CENPQ: variants seen among roughly 807,000 people sequenced by gnomAD.
The protein encoded by CENPQ is chromosome 6 open reading frame 139.
In CENPQ, 27 loss-of-function variants were observed where a neutral mutation model predicts 36.6. The observed-to-expected ratio is 0.74, with a 90% CI of 0.54 to 1.02. The LOEUF (loss-of-function observed/expected upper bound fraction) is 1.02, where lower values mean the gene tolerates loss of function less well. Ranked by LOEUF, CENPQ falls within the 50% of genes least tolerant of loss-of-function variation. CENPQ has a pLI of 0.00. For missense variants in CENPQ, 306 were observed against 301.8 expected (o/e 1.01, Z -0.10); for synonymous variants, 101 against 101.7 (o/e 0.99, Z 0.04).
chr6:49,480,965 G>T lies in CENPQ; in HGVS notation c.362G>T (p.Cys121Phe), dbSNP rs994735202. The change falls in exon 6 of 9, where the codon TGT (cysteine) becomes TTT (phenylalanine). Residue 121 changes from cysteine to phenylalanine, a missense_variant. Coordinates refer to ENST00000335783, the MANE Select transcript of CENPQ (RefSeq NM_018132.4). ...TTATCCTTAAGATTGCTACAACAGT[G>T]TGAAACTCTGAAAGTCCCTCCCAAA... ...NFLKKRLLQQ[C>F]ETLKVPPKKM... The T allele has an allele frequency of 6.2e-7, 1 of 1,600,854 alleles. No individual in the cohort carries two copies. The highest frequency in any genetic ancestry group is 8.5e-7 in the Non-Finnish European group (1 of 1,172,432).
Position 49,488,601 on chromosome 6 carries a change from C to A in CENPQ, c.598-6C>A, listed in dbSNP as rs202062394. 6.8e-6 allele frequency: 11 copies of A among 1,611,640 alleles called. No homozygotes were observed. Among genetic ancestry groups the A allele is most frequent in the Middle Eastern group, 1.7e-4 (1 of 6,056 alleles). On this transcript the variant is annotated splice_polypyrimidine_tract_variant and splice_region_variant and intron_variant, in intron 7 of 8. Coordinates refer to ENST00000335783, the MANE Select transcript of CENPQ (RefSeq NM_018132.4). ...TGAAATAATCTGTAGCTTTCTTCTA[C>A]TTTAGATGCATCAAATAAATAGTAG...
intron 5 of CENPQ, among the ~76,000 whole-genome samples, chr6:49,478,359 TC>T (rs1465512828): frequency 6.6e-6 from 1 of 152,170 alleles, no homozygotes; most frequent in Non-Finnish European, 1.5e-5. Context: ...AGCTAGCATC[TC>T]CCAAATTGCT....
At chr6:49,483,425 C>T (rs1189032904) in intron 6 of CENPQ, among the ~76,000 whole-genome samples, 4 of 152,154 alleles carry the variant, frequency 2.6e-5, no homozygotes, top group South Asian at 2.1e-4. Context: ...CGCCCGCACT[C>T]CTCAGCCCTT....
rs530702323 is a variant in CENPQ at position 49,490,379 on chromosome 6, C to A, written c.675+1695C>A. 1.1e-4 allele frequency among the ~76,000 whole-genome samples: 16 copies of A among 152,308 alleles called. No individual in the cohort carries two copies. In the East Asian group the frequency reaches 2.5e-3, roughly 24 times the overall value. On this transcript the variant is annotated intron_variant, in intron 8 of 8. Transcript: ENST00000335783. Reference sequence around the variant, plus strand: ...TCTGCAACTTCCTCACCTCTGTCAGCCTTCATAGACTTGAAAACAGTTAGG... The same window carrying A: ...TCTGCAACTTCCTCACCTCTGTCAGACTTCATAGACTTGAAAACAGTTAGG...
At chr6:49,481,326 C>G (rs1388884065) in intron 6 of CENPQ, among the ~76,000 whole-genome samples, 1 of 152,042 alleles carries the variant, frequency 6.6e-6, no homozygotes, top group Non-Finnish European at 1.5e-5. Context: ...TTGGTGGGTT[C>G]TTGGTCTCAC....
In CENPQ at chr6:49,471,002, A is replaced by G. The variant is rs1289009263; in HGVS notation, c.131A>G (p.Asn44Ser). ...KVRNTVKKNKNHLKDLSSEGQ... is the reference protein window; with the variant it reads ...KVRNTVKKNKSHLKDLSSEGQ... The stretch of plus-strand genomic sequence containing the variant: ...AGAAACACAGTGAAAAAAAATAAAA[A>G]TCATCTGAAAGATCTGTCTTCTGAA... The change falls in exon 3 of 9, where the codon AAT (asparagine) becomes AGT (serine). Residue 44 changes from asparagine (N) to serine (S), a missense_variant. Physicochemically the swap from Asn to Ser is conservative, Grantham distance 46. Coordinates refer to ENST00000335783, the MANE Select transcript of CENPQ (RefSeq NM_018132.4). The G allele has an allele frequency of 6.5e-6, 10 of 1,531,868 alleles. No individual in the cohort carries two copies. Among genetic ancestry groups the G allele is most frequent in the Non-Finnish European group, 8.8e-6 (10 of 1,133,734 alleles). The allele number at this position is 1,531,868 out of a possible 1,614,324, so 94.9% of individuals were successfully genotyped here. A position where few individuals can be genotyped will look rare whatever the true frequency, so the allele number is the denominator to read the frequency against.
rs4267943 is a variant in CENPQ at position 49,472,092 on chromosome 6, G to A, written c.187G>A (p.Gly63Arg). ...GQTKHTNLKH[G>R]KTAASKRKTW... ...AACAAAGCACACTAACCTAAAACAC[G>A]GAAAGACAGCAGCCAGCAAGAGAAA... Residue 63 changes from glycine to arginine, a missense_variant, in exon 4 of 9, where the codon GGA becomes AGA. By Grantham distance (125) the Gly-to-Arg change is moderately radical. Transcript: ENST00000335783. The A allele has an allele frequency of 0.36, 579,856 of 1,610,876 alleles. 106,155 individuals carry two copies. Among genetic ancestry groups the A allele is most frequent in the African/African-American group, 0.39 (29,412 of 74,804 alleles).
At chr6:49,475,695 C>G (rs1768270336) in intron 5 of CENPQ, among the ~76,000 whole-genome samples, 1 of 152,188 alleles carries the variant, frequency 6.6e-6, no homozygotes, top group Non-Finnish European at 1.5e-5. Context: ...AGCCCAAAAT[C>G]TCCTTAAGCT....
chr6:49,468,915 TG>T (rs1340328784), intron 1 of CENPQ, among the ~76,000 whole-genome samples: 4 of 152,194 alleles, frequency 2.6e-5, no homozygotes, highest in African/African-American at 7.2e-5. Context: ...GTCATGTGGA[TG>T]GGTTTTTAAG....
intron 3 of CENPQ, 137 bp from the exon 4 acceptor site, chr6:49,471,926 A>G: frequency 2.2e-6 from 2 of 898,544 alleles, no homozygotes; most frequent in Non-Finnish European, 1.6e-6. Context: ...TAAAAAGTAA[A>G]TTAAACAGTT....
At chr6:49,478,059 CCTGA>C (rs1226494740) in intron 5 of CENPQ, among the ~76,000 whole-genome samples, 1 of 152,158 alleles carries the variant, frequency 6.6e-6, no homozygotes, top group Non-Finnish European at 1.5e-5. Flanking sequence ...CATTTCAAGG[CCTGA>C]CTATTTCCTC....
chr6:49,488,772 G>C (rs1437216147), intron 8 of CENPQ, 88 bp downstream of exon 8: 10 of 971,812 alleles, frequency 1.0e-5, no homozygotes, highest in Non-Finnish European at 1.7e-5. Context: ...AGCAAATACT[G>C]CAATAACGCA....
chr6:49,474,334 A>G (rs1768221211), intron 5 of CENPQ, among the ~76,000 whole-genome samples: 1 of 152,218 alleles, frequency 6.6e-6, no homozygotes. Flanking sequence ...ACCACAGTGC[A>G]ATCAAACTAG....
chr6:49,481,103 C>T (rs1164005322), intron 6 of CENPQ, 23 bp downstream of exon 6: 1 of 1,569,866 alleles, frequency 6.4e-7, no homozygotes, highest in Non-Finnish European at 8.6e-7. Flanking sequence ...AATAGGGAAT[C>T]CATAATTAGA....
At chr6:49,491,481 C>CG in intron 8 of CENPQ, among the ~76,000 whole-genome samples, 1 of 152,126 alleles carries the variant, frequency 6.6e-6, no homozygotes, top group Non-Finnish European at 1.5e-5. Flanking sequence ...TTTAATGCTT[C>CG]TAACAATAGC....
chr6:49,486,572 C>T (rs1190253472), intron 6 of CENPQ, among the ~76,000 whole-genome samples: 1 of 151,842 alleles, frequency 6.6e-6, no homozygotes, highest in East Asian at 1.9e-4. Flanking sequence ...GAGACTCAGA[C>T]ATATCAACCA....
chr6:49,471,955 T>C, intron 3 of CENPQ, 108 bp from the exon 4 acceptor site: 1 of 1,249,846 alleles, frequency 8.0e-7, no homozygotes, highest in Non-Finnish European at 1.1e-6. Context: ...TTTATAATAT[T>C]TTGTTCTGAT....
At chr6:49,475,049 C>G (rs552429472) in intron 5 of CENPQ, among the ~76,000 whole-genome samples, 13 of 152,060 alleles carry the variant, frequency 8.5e-5, no homozygotes, top group African/African-American at 3.1e-4. Context: ...CAGGACCAGA[C>G]AGATTCACAG....
At chr6:49,475,983 A>G (rs1768279601) in intron 5 of CENPQ, among the ~76,000 whole-genome samples, 1 of 152,234 alleles carries the variant, frequency 6.6e-6, no homozygotes, top group Non-Finnish European at 1.5e-5. Flanking sequence ...CAATATCGTG[A>G]AAATGGCCAT....
Sources: gnomAD v4.1 joint callset for allele counts (sites outside exome capture counted in the v4.1 genomes callset) on GRCh38, gnomAD v4.1.1 for gene constraint, MANE v1.5 for transcripts, NCBI Gene and HGNC (gene_info 2026-07-23, HGNC 2026-07-21) for gene names.